The following OSBP2 variants were observed in gnomAD, a reference collection of about 807,000 sequenced individuals.
OSBP2 encodes the protein oxysterol binding protein 2.
Under a neutral mutation model 96.0 loss-of-function variants are expected in OSBP2, and 66 were observed. The ratio of observed to expected loss-of-function variants is 0.69; its 90% CI spans 0.56 to 0.84. OSBP2 has a LOEUF of 0.84. Among genes scored for constraint, OSBP2 ranks in the 40% least tolerant of loss-of-function variants. The pLI is 0.00. For missense variants in OSBP2, 1,038 were observed against 1,222.7 expected, an observed-to-expected ratio of 0.85 and a Z score of 2.25; for synonymous variants, 525 against 520.9, an observed-to-expected ratio of 1.01 and a Z score of -0.11.
chr22:30,712,017 G>A (rs1412125958), intron 1 of OSBP2, among the ~76,000 whole-genome samples: 2 of 152,136 alleles, frequency 1.3e-5, no homozygotes, highest in African/African-American at 4.8e-5. Context: ...CACGAAAGGT[G>A]CAGGCCAACA....
intron 2 of OSBP2, among the ~76,000 whole-genome samples, chr22:30,755,611 C>G (rs576922237): frequency 3.9e-5 from 6 of 152,226 alleles, no homozygotes; most frequent in African/African-American, 1.4e-4. Flanking sequence ...TGAGGCCCTT[C>G]TGAGGGCATG....
At chr22:30,794,409 C>T (rs1188043926) in intron 2 of OSBP2, among the ~76,000 whole-genome samples, 8 of 151,712 alleles carry the variant, frequency 5.3e-5, no homozygotes, top group Admixed American at 2.0e-4. Context: ...AGATGACAGG[C>T]GCCCGACATC....
At chr22:30,880,523 C>T (rs756249543) in intron 3 of OSBP2, among the ~76,000 whole-genome samples, 3 of 152,222 alleles carry the variant, frequency 2.0e-5, no homozygotes, top group Admixed American at 6.5e-5. Flanking sequence ...TGGCTGCCCA[C>T]GTCAATGCCC....
chr22:30,898,037 A>C (rs2040104666), intron 12 of OSBP2, among the ~76,000 whole-genome samples: 2 of 152,136 alleles, frequency 1.3e-5, no homozygotes, highest in South Asian at 4.1e-4. Flanking sequence ...TAAATCATTT[A>C]ATGTTGAGGC....
chr22:30,748,223 C>T (rs1569107538), intron 2 of OSBP2, among the ~76,000 whole-genome samples: 1 of 151,648 alleles, frequency 6.6e-6, no homozygotes, highest in Non-Finnish European at 1.5e-5. Flanking sequence ...ACTCTGTCAC[C>T]CAGGCTGGAG....
rs1169178521 is a variant in OSBP2 at position 30,840,300 on chromosome 22, C to A, written c.854-30129C>A. Among the ~76,000 whole-genome samples, 3 of 140,862 alleles carry A rather than the reference C, an allele frequency of 2.1e-5. No homozygotes were observed. In the Admixed American group the frequency reaches 2.2e-4, roughly 10 times the overall value. The allele number at this position is 140,862 out of a possible 152,430, so 92.4% of individuals were successfully genotyped here. On this transcript the variant is annotated intron_variant, in intron 2 of 13. Coordinates refer to ENST00000332585, the MANE Select transcript of OSBP2 (RefSeq NM_030758.4). ...ATTCAATAAATGTTTATTAAATAAACCTGTTAAAAAAAAAAAGAAAAAGGA... is the reference window on the plus strand; with the variant it reads ...ATTCAATAAATGTTTATTAAATAAAACTGTTAAAAAAAAAAAGAAAAAGGA...
chr22:30,740,057 C>A (rs1013604186), intron 1 of OSBP2, among the ~76,000 whole-genome samples: 1 of 152,140 alleles, frequency 6.6e-6, no homozygotes, highest in Non-Finnish European at 1.5e-5. Context: ...TGTTGGCCAG[C>A]TGGTCTTGAA....
intron 2 of OSBP2, among the ~76,000 whole-genome samples, chr22:30,814,434 GT>G (rs11453458): frequency 0.12 from 16,256 of 140,432 alleles, 2,112 homozygotes; most frequent in African/African-American, 0.33. Context: ...ATCTCGTTGG[GT>G]TTTTTTTTTT....
chr22:30,873,854 A>G (rs2039515731), intron 3 of OSBP2, among the ~76,000 whole-genome samples: 1 of 152,184 alleles, frequency 6.6e-6, no homozygotes, highest in Admixed American at 6.5e-5. Context: ...TGGGGCAGGC[A>G]GCTCTCTTCC....
In OSBP2 at chr22:30,892,294, C is replaced by T. The variant is rs184324362; in HGVS notation, c.1870-828C>T. Among the ~76,000 whole-genome samples, 3 of 152,248 alleles carry T rather than the reference C, an allele frequency of 2.0e-5. No individual in the cohort carries two copies. In the East Asian group the frequency reaches 5.8e-4, roughly 29 times the overall value. ...AGGAGGAGGCAGAGCTTCCTATGGG[C>T]TCCTTGGGGAGGGATCAGCTGAGCT... On this transcript the variant is annotated intron_variant, in intron 8 of 13. Coordinates refer to ENST00000332585, the MANE Select transcript of OSBP2 (RefSeq NM_030758.4).
intron 2 of OSBP2, among the ~76,000 whole-genome samples, chr22:30,853,627 C>T (rs769242812): frequency 2.9e-4 from 44 of 152,178 alleles, no homozygotes; most frequent in Non-Finnish European, 4.7e-4. Flanking sequence ...AGTGCTGAGA[C>T]GATTTTAATA....
At chr22:30,876,938 C>T (rs537734925) in intron 3 of OSBP2, among the ~76,000 whole-genome samples, 1 of 152,120 alleles carries the variant, frequency 6.6e-6, no homozygotes, top group African/African-American at 2.4e-5. Flanking sequence ...AGGTCAGGAA[C>T]ACCTCCCCTG....
intron 1 of OSBP2, among the ~76,000 whole-genome samples, chr22:30,715,585 CTT>C (rs1211435963): frequency 6.7e-6 from 1 of 148,252 alleles, no homozygotes; most frequent in African/African-American, 2.5e-5. Flanking sequence ...GAGTTTCACT[CTT>C]GTTGCCCAGG....
At chr22:30,895,504 A>G (rs961697502) in intron 12 of OSBP2, among the ~76,000 whole-genome samples, 1 of 152,230 alleles carries the variant, frequency 6.6e-6, no homozygotes, top group African/African-American at 2.4e-5. Flanking sequence ...AGATTTTTCA[A>G]TAACCAACAT....
At chr22:30,700,741 A>G (rs1312084751) in intron 1 of OSBP2, among the ~76,000 whole-genome samples, 2 of 152,122 alleles carry the variant, frequency 1.3e-5, no homozygotes, top group Non-Finnish European at 2.9e-5. Context: ...GCCTCCCAGA[A>G]ATTAGCCTAG....
intron 2 of OSBP2, chr22:30,822,667 C>T (rs1409838878): frequency 4.6e-6 from 7 of 1,533,846 alleles, no homozygotes; most frequent in Non-Finnish European, 6.1e-6. Flanking sequence ...GGCCTCCGTG[C>T]GCTCCTTCTG....
chr22:30,766,721 A>G (rs1230544175), intron 2 of OSBP2, among the ~76,000 whole-genome samples: 1 of 152,102 alleles, frequency 6.6e-6, no homozygotes, highest in Non-Finnish European at 1.5e-5. Context: ...TTTCCCCTCC[A>G]TGACGCCGGG....
intron 12 of OSBP2, among the ~76,000 whole-genome samples, chr22:30,895,715 G>C (rs1360015724): frequency 6.6e-6 from 1 of 152,088 alleles, no homozygotes; most frequent in East Asian, 1.9e-4. Context: ...GAGGCAAGCA[G>C]ATCACTTGAG....
At chr22:30,735,458 C>A (rs1309866567) in intron 1 of OSBP2, among the ~76,000 whole-genome samples, 1 of 143,718 alleles carries the variant, frequency 7.0e-6, no homozygotes, top group Non-Finnish European at 1.5e-5. Flanking sequence ...CTCTGTCACC[C>A]AGGCTGGAAT....
Sources: allele counts gnomAD v4.1 joint callset (sites outside exome capture counted in the v4.1 genomes callset), GRCh38; gene constraint gnomAD v4.1.1; transcripts MANE v1.5; gene names NCBI Gene and HGNC (gene_info 2026-07-23, HGNC 2026-07-21).